The following TPRG1 variants were observed in gnomAD, a reference collection of about 807,000 sequenced individuals.
The protein encoded by TPRG1 is tumor protein p63 regulated 1.
A neutral mutation model predicts 29.3 loss-of-function variants in TPRG1; 29 were observed. The ratio of observed to expected loss-of-function variants is 0.99; its 90% confidence interval spans 0.74 to 1.35. The LOEUF is 1.35. TPRG1 is among the 40% of genes most tolerant of loss of function. The pLI is 0.00. For synonymous variants in TPRG1, 130 were observed against 116.8 expected (o/e 1.11, Z -0.73); for missense variants, 327 against 335.0 (o/e 0.98, Z 0.19).
Position 189,153,211 on chromosome 3 carries a change from T to C in TPRG1, c.-10+2339T>C, listed in dbSNP as rs545351469. 7.2e-5 allele frequency among the ~76,000 whole-genome samples: 11 copies of C among 152,346 alleles called. 1 individual carries two copies. Among genetic ancestry groups the C allele is most frequent in the Admixed American group, 2.6e-4 (4 of 15,308 alleles). ...GAGCACTGTTTCAGTGTGCAGATAC[T>C]GGCTAGTACTTTTTTAAATAAAGAT... On this transcript the variant is annotated intron_variant, in intron 5 of 6. Coordinates refer to the TPRG1 transcript ENST00000412373.
At chr3:189,066,502 G>A (rs919746253) in intron 4 of TPRG1, among the ~76,000 whole-genome samples, 2 of 151,928 alleles carry the variant, frequency 1.3e-5, no homozygotes, top group Non-Finnish European at 2.9e-5. Context: ...GGGATGCAAG[G>A]ATGCTCCAAA....
chr3:189,267,988 AG>A (rs892693841), intron 4 of TPRG1, among the ~76,000 whole-genome samples: 4 of 152,076 alleles, frequency 2.6e-5, no homozygotes, highest in African/African-American at 9.7e-5. Context: ...TGGAAATGAG[AG>A]GTTACATATA....
intron 3 of TPRG1, among the ~76,000 whole-genome samples, chr3:189,016,652 T>C (rs571545847): frequency 2.0e-5 from 3 of 152,200 alleles, no homozygotes; most frequent in East Asian, 3.9e-4. Context: ...AATTGAATTA[T>C]GGGGGTGGAC....
intron 1 of TPRG1, among the ~76,000 whole-genome samples, chr3:189,111,105 AAAAC>A (rs1187085797): frequency 5.2e-5 from 6 of 114,934 alleles, no homozygotes; most frequent in Non-Finnish European, 7.8e-5. Flanking sequence ...AATTTCTAAA[AAAAC>A]AAACAAACAA....
At chr3:189,180,832 G>A (rs1159432349) in intron 1 of TPRG1, among the ~76,000 whole-genome samples, 1 of 152,106 alleles carries the variant, frequency 6.6e-6, no homozygotes, top group Non-Finnish European at 1.5e-5. Context: ...GGGGACTCTG[G>A]CCCCACATTT....
At chr3:189,252,717 TA>T (rs1383084568) in intron 4 of TPRG1, among the ~76,000 whole-genome samples, 5 of 152,172 alleles carry the variant, frequency 3.3e-5, no homozygotes, top group African/African-American at 1.2e-4. Context: ...GTCAATAATA[TA>T]AAACCTTGGG....
At chr3:189,293,424 C>T (rs80194360) in intron 4 of TPRG1, among the ~76,000 whole-genome samples, 2,079 of 152,184 alleles carry the variant, frequency 0.014, 48 homozygotes, top group African/African-American at 0.048. Context: ...AAGGCTCTCT[C>T]ACCCCTGAAA....
intron 3 of TPRG1, among the ~76,000 whole-genome samples, chr3:189,005,142 G>A (rs1320223726): frequency 6.6e-6 from 1 of 152,092 alleles, no homozygotes. Context: ...GAGAAGGTGG[G>A]ACTGTTGCTC....
chr3:189,066,633 CT>C (rs1716467333), intron 4 of TPRG1, among the ~76,000 whole-genome samples: 1 of 147,082 alleles, frequency 6.8e-6, no homozygotes, highest in South Asian at 2.1e-4. Context: ...TGATAAAAAC[CT>C]TAAAAAAAAA....
intron 1 of TPRG1, among the ~76,000 whole-genome samples, chr3:189,180,452 A>G (rs1730059968): frequency 6.6e-6 from 1 of 152,164 alleles, no homozygotes; most frequent in South Asian, 2.1e-4. Flanking sequence ...GGGTACAGGT[A>G]TTGGGTAAAT....
chr3:189,033,127 G>C (rs1714030327), intron 4 of TPRG1, among the ~76,000 whole-genome samples: 1 of 152,146 alleles, frequency 6.6e-6, no homozygotes, highest in Admixed American at 6.5e-5. Context: ...ACACATTTTG[G>C]ACCAGAACTT....
chr3:189,014,962 A>C (rs539167225), intron 3 of TPRG1, among the ~76,000 whole-genome samples: 1 of 152,306 alleles, frequency 6.6e-6, no homozygotes, highest in South Asian at 2.1e-4. Flanking sequence ...ATGTAAAAAG[A>C]ACTTTGGAAC....
At chr3:189,263,016 C>G (rs1576889114) in intron 4 of TPRG1, among the ~76,000 whole-genome samples, 1 of 152,226 alleles carries the variant, frequency 6.6e-6, no homozygotes, top group Non-Finnish European at 1.5e-5. Flanking sequence ...ATAGAAGCCA[C>G]AGATTTTGGT....
intron 4 of TPRG1, among the ~76,000 whole-genome samples, chr3:189,093,629 A>T (rs1718483912): frequency 1.3e-5 from 2 of 152,112 alleles, no homozygotes; most frequent in Non-Finnish European, 2.9e-5. Context: ...GTGATCTTTC[A>T]TCTCGGGGCT....
intron 4 of TPRG1, among the ~76,000 whole-genome samples, chr3:189,297,668 C>G (rs757746656): frequency 6.6e-5 from 10 of 152,216 alleles, no homozygotes; most frequent in Non-Finnish European, 1.2e-4. Flanking sequence ...AAACCACGCT[C>G]TGAGTGTCTG....
chr3:189,024,423 G>A (rs1383511618), intron 4 of TPRG1, among the ~76,000 whole-genome samples: 2 of 152,172 alleles, frequency 1.3e-5, no homozygotes, highest in Non-Finnish European at 1.5e-5. Flanking sequence ...TCTATCCCAG[G>A]GGGAAATCAA....
At chr3:189,072,305 A>C (rs934102400) in intron 4 of TPRG1, among the ~76,000 whole-genome samples, 3 of 152,192 alleles carry the variant, frequency 2.0e-5, no homozygotes, top group Admixed American at 2.0e-4. Flanking sequence ...TTAAGAATCC[A>C]ATCTAGAGTC....
In TPRG1 at chr3:189,258,874, G is replaced by A. The variant is rs1254582709; in HGVS notation, c.479+19965G>A. On this transcript the variant is annotated intron_variant, in intron 4 of 5. Transcript: ENST00000345063. ...TCCCCCAACCAAGCTCAGTGTCCCA[G>A]GTCGACTTCAGACTGCTGTGTTGGC... Among the ~76,000 whole-genome samples the A allele has an allele frequency of 2.0e-5, 3 of 152,300 alleles. No individual in the cohort carries two copies. In the East Asian group the frequency reaches 5.8e-4, roughly 29 times the overall value.
chr3:189,049,562 A>G (rs1432779089), intron 4 of TPRG1, among the ~76,000 whole-genome samples: 1 of 152,082 alleles, frequency 6.6e-6, no homozygotes, highest in Non-Finnish European at 1.5e-5. Flanking sequence ...TTCCCTATCC[A>G]CACAGGTAGC....
Sources: gnomAD v4.1 joint callset for allele counts (sites outside exome capture counted in the v4.1 genomes callset) on GRCh38, gnomAD v4.1.1 for gene constraint, MANE v1.5 for transcripts, NCBI Gene and HGNC (gene_info 2026-07-23, HGNC 2026-07-21) for gene names.